Variants in CCDC7 observed in about 807,000 individuals in gnomAD.
CCDC7 encodes coiled-coil domain-containing protein 7.
Under a neutral mutation model 196.9 loss-of-function variants are expected in CCDC7, and 183 were observed. The ratio of observed to expected loss-of-function variants is 0.93; its 90% CI spans 0.82 to 1.05. CCDC7 has a LOEUF of 1.05. CCDC7 is among the 50% of genes least tolerant of loss of function. The pLI is 0.00. For synonymous variants in CCDC7, 525 were observed against 484.6 expected, an observed-to-expected ratio of 1.08 and a Z score of -1.10; for missense variants, 1,540 against 1,482.2, an observed-to-expected ratio of 1.04 and a Z score of -0.64.
At chr10:32,567,920 A>G (rs2057059288) in intron 15 of CCDC7, 29 bp downstream of exon 16, 4 of 1,574,196 alleles carry the variant, frequency 2.5e-6, no homozygotes, top group Non-Finnish European at 2.6e-6. Flanking sequence ...TGGAGACAGT[A>G]GTATATGTTG....
chr10:32,787,760 C>T (rs1282138789), intron 29 of CCDC7, among the ~76,000 whole-genome samples: 1 of 152,132 alleles, frequency 6.6e-6, no homozygotes, highest in Non-Finnish European at 1.5e-5. Flanking sequence ...ATGCAGTCTC[C>T]AGTTTTGTCC....
intron 20 of CCDC7, among the ~76,000 whole-genome samples, chr10:32,643,821 T>A (rs2067259245): frequency 6.7e-6 from 1 of 148,450 alleles, no homozygotes; most frequent in Non-Finnish European, 1.5e-5. Context: ...TTTTGAAAAT[T>A]AATTTGGTCT....
intron 25 of CCDC7, among the ~76,000 whole-genome samples, chr10:32,718,126 A>G (rs975141993): frequency 1.3e-5 from 2 of 152,196 alleles, no homozygotes; most frequent in African/African-American, 2.4e-5. Context: ...TCGATGCGAA[A>G]ATTTTAAATA....
At chr10:32,584,446 A>G (rs2059034040) in intron 18 of CCDC7, 142 bp downstream of exon 19, 1 of 503,434 alleles carries the variant, frequency 2.0e-6, no homozygotes, top group South Asian at 4.1e-5. Context: ...ATACAAATAT[A>G]ACGACAATTA....
Position 32,573,518 on chromosome 10 carries a change from G to A in CCDC7, c.1454+1625G>A, listed in dbSNP as rs183306544. ...GTGTTTGGAAAAATCTTAAAGAGGGGTTATGATAATGTTACCTAGTGAGTT... is the reference window on the plus strand; with the variant it reads ...GTGTTTGGAAAAATCTTAAAGAGGGATTATGATAATGTTACCTAGTGAGTT... On this transcript the variant is annotated intron_variant, in intron 16 of 41. Coordinates refer to ENST00000639629, the Ensembl canonical transcript of CCDC7. 1.6e-4 allele frequency among the ~76,000 whole-genome samples: 25 copies of A among 152,210 alleles called. 1 individual carries two copies. The highest frequency in any genetic ancestry group is 1.6e-3 in the Admixed American group (25 of 15,298).
intron 13 of CCDC7, among the ~76,000 whole-genome samples, chr10:32,555,970 C>T (rs1489151557): frequency 6.6e-6 from 1 of 152,094 alleles, no homozygotes; most frequent in Non-Finnish European, 1.5e-5. Context: ...AGAAGGATCC[C>T]TAGTAGCAAG....
Position 32,814,467 on chromosome 10 carries a change from CTT to C in CCDC7, c.3181+16_3181+17del. 6.4e-7 allele frequency: 1 copy of C among 1,559,170 alleles called. No individual in the cohort carries two copies. On this transcript the variant is annotated intron_variant, in intron 31 of 41. Transcript: ENST00000639629. ...AGAGTCTCCCTGGTAAGAACAAAAACTTTACACATTTAGTATTTCTGGTTAGT... is the reference window on the plus strand; with the variant it reads ...AGAGTCTCCCTGGTAAGAACAAAAACTACACATTTAGTATTTCTGGTTAGT...
At chr10:32,522,767 T>G (rs1564540447) in intron 11 of CCDC7, among the ~76,000 whole-genome samples, 1 of 152,018 alleles carries the variant, frequency 6.6e-6, no homozygotes, top group Non-Finnish European at 1.5e-5. Flanking sequence ...TTATGTGAAA[T>G]TTTTCTTCTT....
intron 8 of CCDC7, among the ~76,000 whole-genome samples, chr10:32,486,800 A>G (rs2041191818): frequency 6.6e-6 from 1 of 150,996 alleles, no homozygotes. Context: ...TCTTTTCTTT[A>G]AGAATGTTGA....
At chr10:32,813,991 C>T (rs369862168) in intron 30 of CCDC7, among the ~76,000 whole-genome samples, 31 of 152,146 alleles carry the variant, frequency 2.0e-4, no homozygotes, top group African/African-American at 7.0e-4. Context: ...CAGAGTCTCG[C>T]TGTGTCACCG....
chr10:32,520,533 A>G (rs1038016074), intron 11 of CCDC7, among the ~76,000 whole-genome samples: 1 of 152,026 alleles, frequency 6.6e-6, no homozygotes, highest in East Asian at 1.9e-4. Context: ...AGAAATGTCT[A>G]TTTGAATCTT....
At chr10:32,646,211 T>G (rs2067744026) in intron 20 of CCDC7, among the ~76,000 whole-genome samples, 1 of 151,864 alleles carries the variant, frequency 6.6e-6, no homozygotes, top group African/African-American at 2.4e-5. Flanking sequence ...TATATAGGCT[T>G]TTGTATGTTG....
intron 11 of CCDC7, among the ~76,000 whole-genome samples, chr10:32,520,668 G>A (rs1011385907): frequency 1.3e-5 from 2 of 151,778 alleles, no homozygotes; most frequent in Admixed American, 6.6e-5. Context: ...TCATTTTGTG[G>A]GTTGTCTCTT....
At chr10:32,571,694 G>A (rs543520170) in intron 15 of CCDC7, among the ~76,000 whole-genome samples, 165 bp from the exon 17 acceptor site, 1 of 151,816 alleles carries the variant, frequency 6.6e-6, no homozygotes, top group South Asian at 2.1e-4. Context: ...CTTCTATAAT[G>A]TCTCTTCCAA....
intron 24 of CCDC7, among the ~76,000 whole-genome samples, chr10:32,695,240 T>C (rs1311726480): frequency 1.3e-5 from 2 of 152,234 alleles, no homozygotes; most frequent in African/African-American, 4.8e-5. Flanking sequence ...ATCATTAGTC[T>C]GTCAAAGGGT....
At chr10:32,670,810 T>G (rs980247886) in intron 21 of CCDC7, among the ~76,000 whole-genome samples, 2 of 152,118 alleles carry the variant, frequency 1.3e-5, no homozygotes, top group Non-Finnish European at 2.9e-5. Context: ...TCTATTTTGT[T>G]TATTTCTTCC....
intron 33 of CCDC7, among the ~76,000 whole-genome samples, chr10:32,839,211 A>G (rs1401224519): frequency 1.3e-5 from 2 of 151,746 alleles, no homozygotes; most frequent in African/African-American, 4.8e-5. Flanking sequence ...AGATAAGAAT[A>G]GATACAGAAC....
At chr10:32,755,654 C>A (rs556464301) in intron 28 of CCDC7, among the ~76,000 whole-genome samples, 2 of 152,182 alleles carry the variant, frequency 1.3e-5, no homozygotes, top group African/African-American at 2.4e-5. Context: ...GGGGAGAAAC[C>A]AGAGCAGAAG....
intron 33 of CCDC7, among the ~76,000 whole-genome samples, chr10:32,841,609 A>G (rs1446099207): frequency 6.6e-6 from 1 of 152,090 alleles, no homozygotes. Context: ...ACTAGAAAAA[A>G]CAATCCTAAA....
Sources: gnomAD v4.1 joint callset for allele counts (sites outside exome capture counted in the v4.1 genomes callset) on GRCh38, gnomAD v4.1.1 for gene constraint, MANE v1.5 for transcripts, NCBI Gene and HGNC (gene_info 2026-07-23, HGNC 2026-07-21) for gene names.